Variants in SLC15A5 observed in about 807,000 individuals in gnomAD.
SLC15A5 encodes Peptide/histidine transporter ENSP00000340402.
SLC15A5 carries 58 observed loss-of-function variants against 56.1 expected under a neutral mutation model. That is an observed-to-expected ratio of 1.03 (90% CI 0.84 to 1.29). The LOEUF (loss-of-function observed/expected upper bound fraction) is 1.29, where lower values mean the gene tolerates loss of function less well. Ranked by LOEUF, SLC15A5 falls within the 50% of genes most tolerant of loss-of-function variation. The pLI, the probability that SLC15A5 is intolerant of heterozygous loss-of-function variation, is 0.00. For synonymous variants in SLC15A5, 264 were observed against 250.5 expected (o/e 1.05, Z -0.51); for missense variants, 681 against 672.1 (o/e 1.01, Z -0.15).
chr12:16,253,883 A>G (rs1397670315), intron 3 of SLC15A5, among the ~76,000 whole-genome samples: 2 of 152,116 alleles, frequency 1.3e-5, no homozygotes, highest in Admixed American at 1.3e-4. Context: ...GAGTTCTCAA[A>G]AACTTTAAAG....
intron 6 of SLC15A5, among the ~76,000 whole-genome samples, chr12:16,222,873 A>G (rs923362996): frequency 6.6e-6 from 1 of 152,204 alleles, no homozygotes; most frequent in Non-Finnish European, 1.5e-5. Context: ...CATTTTTGGG[A>G]ATAACATCAG....
intron 7 of SLC15A5, among the ~76,000 whole-genome samples, chr12:16,208,486 T>C (rs61915897): frequency 0.03 from 4,560 of 152,124 alleles, 85 homozygotes; most frequent in Admixed American, 0.041. Flanking sequence ...GCTTGGGCAA[T>C]ATAGTGAGAC....
intron 7 of SLC15A5, among the ~76,000 whole-genome samples, chr12:16,199,957 T>C (rs1432858018): frequency 4.6e-5 from 7 of 152,038 alleles, no homozygotes; most frequent in Admixed American, 4.6e-4. Context: ...AAAGTTCTCA[T>C]TGTAGCCTAG....
At position 16,237,477 on chromosome 12, in the gene SLC15A5, T is replaced by A. The variant is rs1214928567; in HGVS notation, c.1162+2204A>T. On this transcript the variant is annotated intron_variant, in intron 5 of 8. Coordinates refer to ENST00000344941, the MANE Select transcript of SLC15A5 (RefSeq NM_001170798.1). The surrounding 1 kb of genome is among the most constrained non-coding windows in gnomAD (Gnocchi z 4.1). ...CTTTTTCCTGTGCAATAGGTCTTGT[T>A]ACCAATCTTGAAGGGGAATATTTAA... Among the ~76,000 whole-genome samples the A allele has an allele frequency of 6.6e-6, 1 of 152,182 alleles. No homozygotes were observed. Among genetic ancestry groups the A allele is most frequent in the Non-Finnish European group, 1.5e-5 (1 of 68,016 alleles).
At chr12:16,257,126 T>G (rs1223797250) in intron 3 of SLC15A5, among the ~76,000 whole-genome samples, 1 of 152,110 alleles carries the variant, frequency 6.6e-6, no homozygotes, top group Non-Finnish European at 1.5e-5. Flanking sequence ...TATGTGGGTG[T>G]GTGTGACAGA....
At chr12:16,267,336 T>A (rs889322254) in intron 2 of SLC15A5, among the ~76,000 whole-genome samples, 2 of 116,916 alleles carry the variant, frequency 1.7e-5, no homozygotes, top group Non-Finnish European at 1.8e-5. Context: ...GGGCACCGAT[T>A]TCATGGTGGA....
chr12:16,255,298 A>G (rs1864560441), intron 3 of SLC15A5, among the ~76,000 whole-genome samples: 2 of 152,114 alleles, frequency 1.3e-5, no homozygotes, highest in Non-Finnish European at 2.9e-5. Flanking sequence ...TGAACAGGTA[A>G]TTCACTGAAA....
intron 6 of SLC15A5, 140 bp downstream of exon 6, chr12:16,224,274 A>G: frequency 1.4e-6 from 1 of 717,730 alleles, no homozygotes; most frequent in Non-Finnish European, 2.1e-6. Flanking sequence ...AAAAGTAATA[A>G]ATAAATTTGC....
At chr12:16,246,158 A>G (rs1864459065) in intron 3 of SLC15A5, among the ~76,000 whole-genome samples, 1 of 152,160 alleles carries the variant, frequency 6.6e-6, no homozygotes, top group South Asian at 2.1e-4. Flanking sequence ...ATGTTGGGAT[A>G]CTTGCTAACA....
chr12:16,207,321 C>A (rs1864029659), intron 7 of SLC15A5, among the ~76,000 whole-genome samples: 1 of 152,174 alleles, frequency 6.6e-6, no homozygotes, highest in African/African-American at 2.4e-5. Flanking sequence ...TGCCCAGAAT[C>A]TGCTTATTTG....
At chr12:16,197,366 GTTTAC>G (rs1443478227) in intron 7 of SLC15A5, among the ~76,000 whole-genome samples, 2 of 152,076 alleles carry the variant, frequency 1.3e-5, no homozygotes, top group African/African-American at 2.4e-5. Flanking sequence ...GACACCTAAA[GTTTAC>G]TTTATTTATA....
chr12:16,275,036 A>G (rs961828022), intron 1 of SLC15A5, among the ~76,000 whole-genome samples: 8 of 152,098 alleles, frequency 5.3e-5, no homozygotes, highest in African/African-American at 1.9e-4. Flanking sequence ...ACCCCCTGCC[A>G]GGTGATGGGG....
At chr12:16,207,570 A>G (rs1864033068) in intron 7 of SLC15A5, among the ~76,000 whole-genome samples, 1 of 152,100 alleles carries the variant, frequency 6.6e-6, no homozygotes, top group Non-Finnish European at 1.5e-5. Context: ...GGGCAAATTC[A>G]TGCTTTAGGT....
intron 2 of SLC15A5, among the ~76,000 whole-genome samples, chr12:16,266,850 A>T (rs1028122843): frequency 6.6e-6 from 1 of 152,178 alleles, no homozygotes; most frequent in Non-Finnish European, 1.5e-5. Flanking sequence ...TCTTTAGCCT[A>T]CTTTTAAATA....
At chr12:16,245,914 A>G (rs1454622649) in intron 3 of SLC15A5, among the ~76,000 whole-genome samples, 1 of 152,208 alleles carries the variant, frequency 6.6e-6, no homozygotes, top group Non-Finnish European at 1.5e-5. Flanking sequence ...ATATATTTTT[A>G]TAGCTATAAA....
intron 7 of SLC15A5, among the ~76,000 whole-genome samples, chr12:16,203,761 T>C (rs1251897546): frequency 6.6e-6 from 1 of 152,116 alleles, no homozygotes; most frequent in African/African-American, 2.4e-5. Context: ...GAAATAAGGA[T>C]AAAAATTACA....
intron 3 of SLC15A5, among the ~76,000 whole-genome samples, chr12:16,256,442 C>T (rs188135031): frequency 1.3e-5 from 2 of 152,142 alleles, no homozygotes; most frequent in East Asian, 1.9e-4. Flanking sequence ...TCTGAATCTG[C>T]GAGTATCTAG....
chr12:16,257,729 G>GTAT lies in SLC15A5; in HGVS notation c.723_725dup (p.Ile241_Tyr242insTer). 1 of 1,500,620 alleles carries GTAT rather than the reference G, an allele frequency of 6.7e-7. No homozygotes were observed. The highest frequency in any genetic ancestry group is 8.8e-7 in the Non-Finnish European group (1 of 1,133,598). 93.0% of individuals were successfully genotyped at this position (1,500,620 alleles called of 1,614,324 possible). A position where few individuals can be genotyped will look rare whatever the true frequency, so the allele number is the denominator to read the frequency against. On this transcript the variant is annotated stop_gained, in exon 3 of 9. Transcript: ENST00000344941. LOFTEE classifies it high-confidence loss of function. ...TTTCTGACTGATAAATTAGGTTGTA[G>GTAT]TATATCATATGAAGAGTTATCACAG...
At chr12:16,211,082 T>C (rs1164155513) in intron 7 of SLC15A5, among the ~76,000 whole-genome samples, 1 of 152,178 alleles carries the variant, frequency 6.6e-6, no homozygotes, top group Non-Finnish European at 1.5e-5. Flanking sequence ...ATTATGGCAG[T>C]AGGCCACTTA....
Sources: gnomAD v4.1 joint callset for allele counts (sites outside exome capture counted in the v4.1 genomes callset) on GRCh38, gnomAD v4.1.1 for gene constraint, Gnocchi (gnomAD v3.1) non-coding constraint, MANE v1.5 for transcripts, NCBI Gene and HGNC (gene_info 2026-07-23, HGNC 2026-07-21) for gene names.